PCDHA3: variants seen among roughly 807,000 people sequenced by gnomAD.
The protein encoded by PCDHA3 is protocadherin alpha-3.
PCDHA3 carries 41 observed loss-of-function variants against 62.2 expected under a neutral mutation model. The observed-to-expected ratio is 0.66, with a 90% confidence interval of 0.51 to 0.86. The LOEUF (loss-of-function observed/expected upper bound fraction) is 0.86. Ranked by LOEUF, PCDHA3 falls within the 40% of genes least tolerant of loss-of-function variation. The pLI, the probability that PCDHA3 is intolerant of heterozygous loss-of-function variation, is 0.00. For missense variants in PCDHA3, 1,304 were observed against 1,241.2 expected (o/e 1.05, Z -0.76); for synonymous variants, 640 against 555.4 (o/e 1.15, Z -2.14).
At chr5:140,841,918 C>G (rs2150325531) in intron 1 of PCDHA3, 33 of 1,613,726 alleles carry the variant, frequency 2.0e-5, no homozygotes, top group Non-Finnish European at 2.6e-5. Flanking sequence ...TAAGAAAATC[C>G]TTGGACAGAG....
intron 1 of PCDHA3, chr5:140,808,971 G>A (rs1441304336): frequency 1.2e-6 from 2 of 1,613,480 alleles, no homozygotes; most frequent in Non-Finnish European, 1.7e-6. Context: ...GCAAAGGTGC[G>A]CGCGGTGGAT....
At chr5:140,809,416 T>C (rs1764458100) in intron 1 of PCDHA3, 3 of 1,614,080 alleles carry the variant, frequency 1.9e-6, no homozygotes, top group African/African-American at 2.7e-5. Flanking sequence ...TGTGCTCCAG[T>C]GCGGTGGGGA....
At chr5:140,836,158 C>G in intron 1 of PCDHA3, 1 of 1,613,784 alleles carries the variant, frequency 6.2e-7, no homozygotes, top group Non-Finnish European at 8.5e-7. Context: ...CATGTGGTGG[C>G]GAAGGTACGT....
intron 3 of PCDHA3, among the ~76,000 whole-genome samples, chr5:140,984,397 G>A (rs1400095442): frequency 1.3e-5 from 2 of 152,112 alleles, no homozygotes; most frequent in African/African-American, 4.8e-5. Context: ...AAAATGTTGA[G>A]AACCTATCTT....
intron 1 of PCDHA3, chr5:140,883,308 C>A: frequency 6.2e-7 from 1 of 1,614,102 alleles, no homozygotes; most frequent in Non-Finnish European, 8.5e-7. Context: ...AATGATAACG[C>A]CCCAGAGGTT....
intron 1 of PCDHA3, chr5:140,849,762 C>T (rs2150448750): frequency 1.3e-6 from 2 of 1,598,528 alleles, no homozygotes; most frequent in Middle Eastern, 1.7e-4. Flanking sequence ...CGCCTACGAG[C>T]TGGTGGTTAC....
intron 1 of PCDHA3, chr5:140,877,328 A>G (rs782817195): frequency 1.2e-6 from 2 of 1,613,980 alleles, no homozygotes; most frequent in Non-Finnish European, 1.7e-6. Context: ...GTCGGCGCGC[A>G]CATCCCGTTC....
chr5:140,883,746 C>A (rs1554179687), intron 1 of PCDHA3: 1 of 1,613,326 alleles, frequency 6.2e-7, no homozygotes, highest in Non-Finnish European at 8.5e-7. Context: ...GTCTCCTACT[C>A]GCTGGTGGAG....
intron 1 of PCDHA3, among the ~76,000 whole-genome samples, chr5:140,945,070 C>T (rs2093734077): frequency 6.6e-6 from 1 of 151,960 alleles, no homozygotes; most frequent in African/African-American, 2.4e-5. Context: ...ACAGACTCCA[C>T]CAAAACACTC....
rs573295166 is a variant in PCDHA3, at chr5:140,801,593, T to A, written c.396T>A (p.Val132=). 1.1e-5 allele frequency: 18 copies of A among 1,614,134 alleles called. No homozygotes were observed. The East Asian group carries it at 4.0e-4, about 36-fold the overall frequency. ...EVKDINDNAP[V]FPMAVKNLFI... is the part of the protein sequence containing the mutation. ...AGGACATTAATGACAACGCGCCAGT[T>A]TTTCCAATGGCTGTAAAGAATCTGT... is the stretch of plus-strand genomic sequence containing the variant. Residue 132 remains valine, a synonymous_variant, in exon 1 of 4, where the codon GTT becomes GTA. Transcript: ENST00000522353.
chr5:140,885,516 T>C (rs1235698672), intron 1 of PCDHA3, among the ~76,000 whole-genome samples: 1 of 152,198 alleles, frequency 6.6e-6, no homozygotes, highest in South Asian at 2.1e-4. Context: ...TGCTGTGCTA[T>C]CATTTCATAT....
At chr5:140,874,354 T>C (rs1554167160) in intron 1 of PCDHA3, among the ~76,000 whole-genome samples, 5 of 152,214 alleles carry the variant, frequency 3.3e-5, no homozygotes, top group Non-Finnish European at 7.3e-5. Context: ...TGATCTTGAA[T>C]TAATGAATAA....
chr5:140,842,561 G>T (rs2150339210), intron 1 of PCDHA3: 1 of 1,492,420 alleles, frequency 6.7e-7, no homozygotes, highest in South Asian at 1.2e-5. Flanking sequence ...CAGCGCCCTG[G>T]ACCGCGAGAG....
chr5:140,810,198 A>G (rs1214628062), intron 1 of PCDHA3: 2 of 152,248 alleles, frequency 1.3e-5, no homozygotes, highest in Non-Finnish European at 2.9e-5. Context: ...TTCTGTTTCT[A>G]GTACTATTTC....
chr5:140,927,071 G>A lies in PCDHA3; in HGVS notation c.2395-51878G>A. 3 of 1,611,088 alleles carry A rather than the reference G, an allele frequency of 1.9e-6. No homozygotes were observed. The highest frequency in any genetic ancestry group is 2.5e-6 in the Non-Finnish European group (3 of 1,177,862). On this transcript the variant is annotated intron_variant, in intron 1 of 3. Transcript: ENST00000522353. ...TCGCGGAACTTTCGCTTCCTTTCCAGCCACCGCGAGCTCTACTTCGGGGTG... is the reference window on the plus strand; with the variant it reads ...TCGCGGAACTTTCGCTTCCTTTCCAACCACCGCGAGCTCTACTTCGGGGTG...
At chr5:140,997,098 C>T (rs1328956245) in intron 3 of PCDHA3, among the ~76,000 whole-genome samples, 12 of 152,128 alleles carry the variant, frequency 7.9e-5, no homozygotes, top group Admixed American at 5.2e-4. Context: ...GCAGAGTTCT[C>T]ATGCACTCCT....
rs148298330 is a variant in PCDHA3, at chr5:140,807,381, G to T, written c.2394+3790G>T. 92 of 1,603,524 alleles carry T rather than the reference G, an allele frequency of 5.7e-5. No individual in the cohort carries two copies. In the African/African-American group the frequency reaches 1.1e-3, roughly 19 times the overall value. On this transcript the variant is annotated intron_variant, in intron 1 of 3. Coordinates refer to ENST00000522353, the MANE Select transcript of PCDHA3 (RefSeq NM_018906.3). ...GCGGAGCTGGTGCCGCGCCTGTTCC[G>T]GGTGGCGTCCAAGGGCCGCGGAGGC... is the stretch of plus-strand genomic sequence containing the variant.
intron 1 of PCDHA3, among the ~76,000 whole-genome samples, chr5:140,914,220 C>T (rs1210445622): frequency 6.6e-6 from 1 of 152,212 alleles, no homozygotes; most frequent in South Asian, 2.1e-4. Flanking sequence ...TCTCTTTTAG[C>T]TCTAATACTA....
At chr5:141,007,329 TTGCCTGAGCTCAG>T (rs1554261175) in intron 3 of PCDHA3, among the ~76,000 whole-genome samples, 2 of 149,734 alleles carry the variant, frequency 1.3e-5, no homozygotes. Context: ...AGTGGACAGA[TTGCCTGAGCTCAG>T]GAGTTCGAGA....
Sources: allele counts gnomAD v4.1 joint callset (sites outside exome capture counted in the v4.1 genomes callset), GRCh38; gene constraint gnomAD v4.1.1; transcripts MANE v1.5; gene names NCBI Gene and HGNC (gene_info 2026-07-23, HGNC 2026-07-21).